The following SKI variants were observed in gnomAD, a reference collection of about 807,000 sequenced individuals.
SKI encodes ski oncogene.
SKI carries 23 observed loss-of-function variants against 59.3 expected under a neutral mutation model. The ratio of observed to expected loss-of-function variants is 0.39; its 90% CI spans 0.28 to 0.55. The LOEUF (loss-of-function observed/expected upper bound fraction) is 0.55, where lower values mean the gene tolerates loss of function less well. Among genes scored for constraint, SKI ranks in the 20% least tolerant of loss-of-function variants. The probability of loss-of-function intolerance (pLI) is 0.67; values close to 1 mark genes in which losing one functional copy is unlikely to be tolerated. For synonymous variants in SKI, 673 were observed against 488.6 expected, an observed-to-expected ratio of 1.38 and a Z score of -4.98; for missense variants, 1,017 against 1,038.9, an observed-to-expected ratio of 0.98 and a Z score of 0.29.
chr1:2,306,320 T>TCCTGC, intron 6 of SKI, 70 bp downstream of exon 6: 1 of 1,375,738 alleles, frequency 7.3e-7, no homozygotes, highest in South Asian at 1.4e-5. Flanking sequence ...CGGTGGCCAG[T>TCCTGC]CCTGCCCAGC....
At chr1:2,277,061 G>T (rs982299134) in intron 1 of SKI, among the ~76,000 whole-genome samples, 1 of 152,178 alleles carries the variant, frequency 6.6e-6, no homozygotes, top group African/African-American at 2.4e-5. Flanking sequence ...CTCATTTGGG[G>T]CTGTAGGAAG....
Position 2,307,436 on chromosome 1 carries a change from G to C in SKI, c.*671G>C, listed in dbSNP as rs1367640788. 6.6e-6 allele frequency: 1 copy of C among 152,436 alleles called. No homozygotes were observed. Among genetic ancestry groups the C allele is most frequent in the Non-Finnish European group, 1.5e-5 (1 of 68,066 alleles). The allele number at this position is 152,436 out of a possible 1,614,324, so 9.4% of individuals were successfully genotyped here. A position where few individuals can be genotyped will look rare whatever the true frequency, so the allele number is the denominator to read the frequency against. Reference sequence around the variant, plus strand: ...GTCCCCACGGGTACCAGGAAGTGCAGAGCCGCACAGGAGCTGCCCCGGAGC... The same window carrying C: ...GTCCCCACGGGTACCAGGAAGTGCACAGCCGCACAGGAGCTGCCCCGGAGC... On this transcript the variant is annotated 3_prime_UTR_variant, in exon 7 of 7. Coordinates refer to ENST00000378536, the MANE Select transcript of SKI (RefSeq NM_003036.4).
chr1:2,308,429 CGTTT>C lies in SKI; in HGVS notation c.*1670_*1673del, dbSNP rs1166970604. ...CAAAAGGGACATCATGTATATGCAG[CGTTT>C]GTTTGGAATTTTCTTTGCTTTTGTT... is the stretch of plus-strand genomic sequence containing the variant. On this transcript the variant is annotated 3_prime_UTR_variant, in exon 7 of 7. Transcript: ENST00000378536. 6.6e-6 allele frequency: 1 copy of C among 152,124 alleles called. No individual in the cohort carries two copies. Among genetic ancestry groups the C allele is most frequent in the Non-Finnish European group, 1.5e-5 (1 of 68,052 alleles). The allele number at this position is 152,124 out of a possible 1,614,324, so 9.4% of individuals were successfully genotyped here.
In SKI at chr1:2,309,408, G is replaced by A. The variant is rs559993982; in HGVS notation, c.*2643G>A. 2 of 152,162 alleles carry A rather than the reference G, an allele frequency of 1.3e-5. No homozygotes were observed. The allele number at this position is 152,162 out of a possible 1,614,324, so 9.4% of individuals were successfully genotyped here. A position where few individuals can be genotyped will look rare whatever the true frequency, so the allele number is the denominator to read the frequency against. ...GGAGCAGCTAACTCATACACGTAAT[G>A]TCTGCTTTTCGTACAGAACTAGCCA... On this transcript the variant is annotated 3_prime_UTR_variant, in exon 7 of 7. Transcript: ENST00000378536.
At chr1:2,289,804 C>T (rs1420670401) in intron 1 of SKI, among the ~76,000 whole-genome samples, 1 of 152,138 alleles carries the variant, frequency 6.6e-6, no homozygotes, top group African/African-American at 2.4e-5. Context: ...AAGGGGTTGT[C>T]CTCTTCCACC....
intron 1 of SKI, among the ~76,000 whole-genome samples, chr1:2,293,428 C>CT (rs1557845016): frequency 4.1e-5 from 1 of 24,548 alleles, no homozygotes; most frequent in Non-Finnish European, 9.4e-5. Context: ...CAGGGCGAGG[C>CT]CCCCCCCCAA....
rs181552643 is a variant in SKI, at chr1:2,285,447, G to A, written c.970-17531G>A. Among the ~76,000 whole-genome samples, 586 of 151,984 alleles carry A rather than the reference G, an allele frequency of 3.9e-3. 11 individuals are homozygous for A. Among genetic ancestry groups the A allele is most frequent in the East Asian group, 0.026 (132 of 5,118 alleles). On this transcript the variant is annotated intron_variant, in intron 1 of 6. Coordinates refer to ENST00000378536, the MANE Select transcript of SKI (RefSeq NM_003036.4). ...GGAGAATTGCTTGAACCTGGGAGGC[G>A]GAGGTTGCAGTGAGCTGAGATCGTG...
At chr1:2,263,889 C>T (rs946080015) in intron 1 of SKI, among the ~76,000 whole-genome samples, 7 of 145,854 alleles carry the variant, frequency 4.8e-5, no homozygotes, top group South Asian at 2.2e-4. Flanking sequence ...AAAAAAGTTT[C>T]GTGGGGCTAG....
In SKI at chr1:2,254,733, C is replaced by CGTGT. The variant is rs139901487; in HGVS notation, c.969+25012_969+25015dup. 0.016 allele frequency among the ~76,000 whole-genome samples: 2,357 copies of CGTGT among 150,844 alleles called. 108 individuals carry two copies. The East Asian group carries it at 0.16, about 10-fold the overall frequency. Reference sequence around the variant, plus strand: ...TTGGCCAGACTGTGGTCACTGCGTGCGTGTGTGTGTGTGTGTGATGCGCAG... The same window carrying CGTGT: ...TTGGCCAGACTGTGGTCACTGCGTGCGTGTGTGTGTGTGTGTGTGTGATGCGCAG... On this transcript the variant is annotated intron_variant, in intron 1 of 6. Transcript: ENST00000378536.
intron 1 of SKI, among the ~76,000 whole-genome samples, chr1:2,243,818 C>G (rs1016559270): frequency 6.6e-6 from 1 of 152,148 alleles, no homozygotes; most frequent in Non-Finnish European, 1.5e-5. Flanking sequence ...ACACGCAATA[C>G]ACATCTCTAT....
At position 2,306,754 on chromosome 1, in the gene SKI, C is replaced by G; in HGVS notation, c.2176C>G (p.Leu726Val). 6.6e-7 allele frequency: 1 copy of G among 1,521,532 alleles called. No homozygotes were observed. The highest frequency in any genetic ancestry group is 8.8e-7 in the Non-Finnish European group (1 of 1,137,846). The allele number at this position is 1,521,532 out of a possible 1,614,324, so 94.3% of individuals were successfully genotyped here. The change falls in exon 7 of 7, where the codon CTG becomes GTG. Residue 726 changes from leucine (L) to valine (V), a missense_variant. Physicochemically the swap from Leu to Val is conservative, Grantham distance 32. Coordinates refer to ENST00000378536, the MANE Select transcript of SKI (RefSeq NM_003036.4). ...TGCGGGCAGCGAGGGCGCTGCGGAG[C>G]TGGAGCCGTAGATTCCGTGCCTGCC... Reference protein sequence around the residue: ...EAAGSEGAAELEP With the variant: ...EAAGSEGAAEVEP
chr1:2,272,320 T>A (rs2100856290), intron 1 of SKI, among the ~76,000 whole-genome samples: 1 of 152,358 alleles, frequency 6.6e-6, no homozygotes, highest in Non-Finnish European at 1.5e-5. Flanking sequence ...ACACATAGAC[T>A]TCCAGGTTTA....
In SKI at chr1:2,267,208, C is replaced by T. The variant is rs1355996893; in HGVS notation, c.970-35770C>T. 1.3e-5 allele frequency among the ~76,000 whole-genome samples: 2 copies of T among 152,152 alleles called. No individual in the cohort carries two copies. The highest frequency in any genetic ancestry group is 2.9e-5 in the Non-Finnish European group (2 of 68,038). ...ACTGGTTTTGTAACAAGCTTGGTGT[C>T]CATATCGCTCTTAATAACATCTGCA... is the stretch of plus-strand genomic sequence containing the variant. On this transcript the variant is annotated intron_variant, in intron 1 of 6. Transcript: ENST00000378536. The surrounding 1 kb of genome is among the most constrained non-coding windows in gnomAD (Gnocchi z 4.1).
intron 1 of SKI, among the ~76,000 whole-genome samples, chr1:2,259,154 T>C (rs1639331490): frequency 6.6e-6 from 1 of 152,200 alleles, no homozygotes; most frequent in Non-Finnish European, 1.5e-5. Flanking sequence ...TGCCTCCTTT[T>C]GTGGGTAAAG....
chr1:2,254,812 A>G (rs1281044927), intron 1 of SKI, among the ~76,000 whole-genome samples: 1 of 152,330 alleles, frequency 6.6e-6, no homozygotes, highest in Non-Finnish European at 1.5e-5. Flanking sequence ...TGAGGCGTGC[A>G]GCCCCCCTGC....
chr1:2,306,773 G>GCCTGCCGC lies in SKI; in HGVS notation c.*10_*17dup, dbSNP rs1557855082. 2.0e-6 allele frequency: 3 copies of GCCTGCCGC among 1,498,526 alleles called. No individual in the cohort carries two copies. The East Asian group carries it at 8.2e-5, about 41-fold the overall frequency. The allele number at this position is 1,498,526 out of a possible 1,614,324, so 92.8% of individuals were successfully genotyped here. Reference sequence around the variant, plus strand: ...GCGGAGCTGGAGCCGTAGATTCCGTGCCTGCCGCCGCAGCGCCGCCGACAA... The same window carrying GCCTGCCGC: ...GCGGAGCTGGAGCCGTAGATTCCGTGCCTGCCGCCCTGCCGCCGCAGCGCCGCCGACAA... On this transcript the variant is annotated 3_prime_UTR_variant, in exon 7 of 7. Transcript: ENST00000378536.
chr1:2,293,488 C>T (rs1041953624), intron 1 of SKI, among the ~76,000 whole-genome samples: 13 of 151,928 alleles, frequency 8.6e-5, no homozygotes, highest in Non-Finnish European at 1.9e-4. Flanking sequence ...CACATTTGGC[C>T]GTCCCCTTTT....
chr1:2,289,333 C>T (rs933825402), intron 1 of SKI, among the ~76,000 whole-genome samples: 16 of 152,132 alleles, frequency 1.1e-4, no homozygotes, highest in African/African-American at 2.9e-4. Flanking sequence ...GGGTGGCAGG[C>T]GGCCAGATGC....
intron 1 of SKI, among the ~76,000 whole-genome samples, chr1:2,274,927 T>TC (rs1639707803): frequency 6.6e-6 from 1 of 152,266 alleles, no homozygotes; most frequent in African/African-American, 2.4e-5. Flanking sequence ...GCACAGGCAC[T>TC]CCAATTGTTT....
Sources: allele counts gnomAD v4.1 joint callset (sites outside exome capture counted in the v4.1 genomes callset), GRCh38; gene constraint gnomAD v4.1.1; non-coding constraint Gnocchi (gnomAD v3.1); transcripts MANE v1.5; gene names NCBI Gene and HGNC (gene_info 2026-07-23, HGNC 2026-07-21).